The following IKZF4 variants were observed in gnomAD, a reference collection of about 807,000 sequenced individuals.
IKZF4 encodes zinc finger protein Eos.
A neutral mutation model predicts 47.7 loss-of-function variants in IKZF4; 11 were observed. The observed-to-expected ratio is 0.23, with a 90% CI of 0.15 to 0.38. The LOEUF is 0.38. Among genes scored for constraint, IKZF4 ranks in the 10% least tolerant of loss-of-function variants. The pLI is 1.00. For synonymous variants in IKZF4, 298 were observed against 299.4 expected, an observed-to-expected ratio of 1.00 and a Z score of 0.05; for missense variants, 557 against 784.9, an observed-to-expected ratio of 0.71 and a Z score of 3.47.
rs1895647393 is a variant in IKZF4 at position 56,036,534 on chromosome 12, C to T, written c.*1203C>T. 6.6e-6 allele frequency: 1 copy of T among 152,152 alleles called. No homozygotes were observed. Among genetic ancestry groups the T allele is most frequent in the Non-Finnish European group, 1.5e-5 (1 of 68,038 alleles). 9.4% of individuals were successfully genotyped at this position (152,152 alleles called of 1,614,324 possible). ...TCTTAGGATCAGTGGCAGGGAGAAA[C>T]GGGTATCTCTTTTCTCTCTTCTAAT... On this transcript the variant is annotated 3_prime_UTR_variant, in exon 8 of 8. Transcript: ENST00000547167.
In IKZF4 at chr12:56,037,715, T is replaced by G. The variant is rs563973429; in HGVS notation, c.*2384T>G. The G allele has an allele frequency of 2.0e-5, 3 of 152,762 alleles. No individual in the cohort carries two copies. The South Asian group carries it at 6.2e-4, about 32-fold the overall frequency. The allele number at this position is 152,762 out of a possible 1,614,324, so 9.5% of individuals were successfully genotyped here. A position where few individuals can be genotyped will look rare whatever the true frequency, so the allele number is the denominator to read the frequency against. On this transcript the variant is annotated 3_prime_UTR_variant, in exon 8 of 8. Coordinates refer to ENST00000547167, the MANE Select transcript of IKZF4 (RefSeq NM_022465.4). Reference sequence around the variant, plus strand: ...GCTAAGGAGGGGAGAGGGGGCATCCTGTCTCTCTCCAGACCATCACTGCAC... The same window carrying G: ...GCTAAGGAGGGGAGAGGGGGCATCCGGTCTCTCTCCAGACCATCACTGCAC...
chr12:56,034,572 C>T lies in IKZF4; in HGVS notation c.999C>T (p.Gly333=), dbSNP rs200618930. The change falls in exon 8 of 8, where the codon GGC becomes GGT. Residue 333 remains glycine (G), a splice_region_variant and synonymous_variant. Transcript: ENST00000547167. The part of the protein sequence containing the change: ...RKRSTPQKFV[G]EKQMRFSLSD... ...CTGCTGAGTTCCTGTTCTCCACAGG[C>T]GAAAAGCAGATGCGCTTCAGCCTCT... The T allele has an allele frequency of 4.4e-4, 701 of 1,600,804 alleles. 2 individuals are homozygous for T. In the African/African-American group the frequency reaches 7.7e-3, roughly 17 times the overall value.
At chr12:56,028,742 T>A (rs1007884372) in intron 5 of IKZF4, among the ~76,000 whole-genome samples, 2 of 151,824 alleles carry the variant, frequency 1.3e-5, no homozygotes, top group African/African-American at 4.8e-5. Context: ...ACCCAGCTAA[T>A]TTTTCTATTT....
At chr12:56,027,571 A>G (rs1199607130) in intron 4 of IKZF4, among the ~76,000 whole-genome samples, 1 of 151,762 alleles carries the variant, frequency 6.6e-6, no homozygotes. Flanking sequence ...CCTGCCACAC[A>G]CCTCTAATCC....
intron 1 of IKZF4, chr12:56,007,853 A>G (rs1218529968): frequency 1.4e-5 from 2 of 146,262 alleles, no homozygotes; most frequent in African/African-American, 5.1e-5. Flanking sequence ...GGAAGGGGCC[A>G]GGCTGAGAGA....
At position 56,027,958 on chromosome 12, in the gene IKZF4, G is replaced by A; in HGVS notation, c.715+11G>A. ...TCCGCACACACTCAGGTCAGTGTCT[G>A]TCCAGTGGGAGGAGGGAATGAGGCT... On this transcript the variant is annotated intron_variant, in intron 5 of 7. Transcript: ENST00000547167. 6.5e-7 allele frequency: 1 copy of A among 1,538,770 alleles called. No homozygotes were observed. Among genetic ancestry groups the A allele is most frequent in the South Asian group, 1.3e-5 (1 of 77,890 alleles).
chr12:56,015,552 C>G (rs899588422), intron 2 of IKZF4, among the ~76,000 whole-genome samples: 1 of 151,986 alleles, frequency 6.6e-6, no homozygotes, highest in African/African-American at 2.4e-5. Flanking sequence ...TACCACCACA[C>G]CCAGCTAATT....
intron 1 of IKZF4, among the ~76,000 whole-genome samples, chr12:56,023,127 A>G (rs535671945): frequency 6.6e-6 from 1 of 152,226 alleles, no homozygotes; most frequent in South Asian, 2.1e-4. Flanking sequence ...TGTACTTTTA[A>G]ATATATTTTC....
intron 1 of IKZF4, among the ~76,000 whole-genome samples, chr12:56,009,724 C>G (rs948692114): frequency 1.3e-5 from 2 of 152,176 alleles, no homozygotes; most frequent in African/African-American, 4.8e-5. Flanking sequence ...ATGTCTCAAA[C>G]ACAAAATATA....
chr12:56,029,242 T>A (rs1183522773), intron 5 of IKZF4, among the ~76,000 whole-genome samples: 1 of 152,226 alleles, frequency 6.6e-6, no homozygotes, highest in Non-Finnish European at 1.5e-5. Flanking sequence ...TTTGGAACAG[T>A]GCTGGGAAAC....
intron 5 of IKZF4, among the ~76,000 whole-genome samples, chr12:56,031,801 T>A (rs1894950075): frequency 6.6e-6 from 1 of 152,228 alleles, no homozygotes; most frequent in African/African-American, 2.4e-5. Flanking sequence ...CTGTTCCTTA[T>A]TACAAGCACA....
At chr12:56,009,058 C>A (rs1891048757) in intron 1 of IKZF4, among the ~76,000 whole-genome samples, 5 of 152,100 alleles carry the variant, frequency 3.3e-5, no homozygotes, top group Admixed American at 6.6e-5. Flanking sequence ...TCTTGTCAAC[C>A]CTCGCTTATA....
Position 56,021,330 on chromosome 12 carries a change from C to T in IKZF4, c.-164C>T, listed in dbSNP as rs1892910419. On this transcript the variant is annotated 5_prime_UTR_variant, in exon 1 of 8. Transcript: ENST00000547167. Reference sequence around the variant, plus strand: ...CACACACACACACTCAACACACATACACCCTGGGCTGAGCTGCTCTTGCTG... The same window carrying T: ...CACACACACACACTCAACACACATATACCCTGGGCTGAGCTGCTCTTGCTG... The T allele has an allele frequency of 1.1e-5, 17 of 1,535,452 alleles. No homozygotes were observed. The highest frequency in any genetic ancestry group is 2.0e-5 in the Admixed American group (1 of 50,750).
chr12:56,032,951 A>C (rs1438826153), intron 6 of IKZF4, among the ~76,000 whole-genome samples: 2 of 152,128 alleles, frequency 1.3e-5, no homozygotes, highest in Non-Finnish European at 2.9e-5. Flanking sequence ...TCCTTGGCCT[A>C]ATGGGAGAGA....
In IKZF4 at chr12:56,036,966, T is replaced by A. The variant is rs1895679840; in HGVS notation, c.*1635T>A. 1 of 152,178 alleles carries A rather than the reference T, an allele frequency of 6.6e-6. No homozygotes were observed. The highest frequency in any genetic ancestry group is 6.5e-5 in the Admixed American group (1 of 15,274). The allele number at this position is 152,178 out of a possible 1,614,324, so 9.4% of individuals were successfully genotyped here. A position where few individuals can be genotyped will look rare whatever the true frequency, so the allele number is the denominator to read the frequency against. On this transcript the variant is annotated 3_prime_UTR_variant, in exon 8 of 8. Transcript: ENST00000547167. ...CACAAGTTGTAACTCTTGGTCCTTC[T>A]CTCTCTCCTTTTCTCTTCCCTTCCT...
chr12:56,032,241 G>C (rs1192684442), intron 5 of IKZF4: 1 of 288,168 alleles, frequency 3.5e-6, no homozygotes, highest in African/African-American at 2.2e-5. Context: ...GTCTGCTAGG[G>C]ATGATCCTCT....
chr12:56,027,686 T>C (rs892488569), intron 4 of IKZF4, 94 bp from the exon 5 acceptor site: 17 of 1,308,034 alleles, frequency 1.3e-5, no homozygotes, highest in Non-Finnish European at 1.7e-5. Flanking sequence ...CAGAGCACCT[T>C]CCCTTGGGCA....
chr12:56,019,376 A>C (rs755974149), upstream of IKZF4: 11 of 985,180 alleles, frequency 1.1e-5, no homozygotes, highest in Non-Finnish European at 1.2e-5. Context: ...TGGGTCAGAC[A>C]CACATATGAG....
chr12:56,015,017 A>C (rs575508025), intron 2 of IKZF4, among the ~76,000 whole-genome samples: 1 of 151,972 alleles, frequency 6.6e-6, no homozygotes, highest in East Asian at 1.9e-4. Flanking sequence ...AATCCTGCTC[A>C]CTCTTGCCTC....
Sources: allele counts gnomAD v4.1 joint callset (sites outside exome capture counted in the v4.1 genomes callset), GRCh38; gene constraint gnomAD v4.1.1; transcripts MANE v1.5; gene names NCBI Gene and HGNC (gene_info 2026-07-23, HGNC 2026-07-21).